MAN2C1: variants seen among roughly 807,000 people sequenced by gnomAD.
MAN2C1 encodes alpha-mannosidase 2C1.
MAN2C1 carries 111 observed loss-of-function variants against 126.9 expected under a neutral mutation model. The observed-to-expected ratio is 0.87, with a 90% confidence interval of 0.75 to 1.02. The LOEUF is 1.02. MAN2C1 is among the 50% of genes least tolerant of loss of function. The pLI, the probability that MAN2C1 is intolerant of heterozygous loss-of-function variation, is 0.00. For missense variants in MAN2C1, 1,363 were observed against 1,364.4 expected (o/e 1.00, Z 0.02); for synonymous variants, 567 against 561.5 (o/e 1.01, Z -0.14).
chr15:75,356,206 G>A lies in MAN2C1; in HGVS notation c.2900C>T (p.Pro967Leu). 6.2e-7 allele frequency: 1 copy of A among 1,613,336 alleles called. No individual in the cohort carries two copies. The highest frequency in any genetic ancestry group is 1.7e-5 in the Admixed American group (1 of 59,990). The change falls in exon 25 of 26, where the codon CCC (proline) becomes CTC (leucine). Residue 967 changes from proline to leucine, a missense_variant. Physicochemically the swap from Pro to Leu is moderately conservative, Grantham distance 98 (BLOSUM62 -3). Coordinates refer to ENST00000267978, the MANE Select transcript of MAN2C1 (RefSeq NM_006715.4). This position sits in a 1 kb window ranked among gnomAD's most constrained non-coding sequence, Gnocchi z 5.8. ...LETVKQAESS[P>L]QRRSLVLRLY... ...CCTCAGGACCAGCGAGCGGCGCTGGGGGCTGCTCTCCGCCTGCAGAGGAAC... is the reference window on the plus strand; with the variant it reads ...CCTCAGGACCAGCGAGCGGCGCTGGAGGCTGCTCTCCGCCTGCAGAGGAAC...
chr15:75,366,741 C>G, intron 3 of MAN2C1, 149 bp from the exon 4 acceptor site: 1 of 568,912 alleles, frequency 1.8e-6, no homozygotes, highest in East Asian at 3.2e-5. Context: ...AATCAGGGAC[C>G]CTTGGCAGTA....
Position 75,359,309 on chromosome 15 carries a change from C to G in MAN2C1, c.2046+19G>C. 1.9e-6 allele frequency: 3 copies of G among 1,577,300 alleles called. No individual in the cohort carries two copies. The highest frequency in any genetic ancestry group is 2.6e-6 in the Non-Finnish European group (3 of 1,159,266). On this transcript the variant is annotated intron_variant, in intron 17 of 25. Transcript: ENST00000267978. ...GTATCCCAGCACAGTTCCTGCCCCC[C>G]AGGGCATGCAGGACTCACCTCTTGC... is the stretch of plus-strand genomic sequence containing the variant.
chr15:75,366,041 C>CCACT (rs2072568518), intron 4 of MAN2C1: 1 of 360,972 alleles, frequency 2.8e-6, no homozygotes, highest in Non-Finnish European at 5.5e-6. Context: ...GAGCTGCGAT[C>CCACT]GTGCTACTGT....
intron 5 of MAN2C1, 146 bp from the exon 6 acceptor site, chr15:75,364,334 TC>T: frequency 8.1e-7 from 1 of 1,238,794 alleles, no homozygotes. Context: ...GTCTCCCTCC[TC>T]CCCTTCACAT....
chr15:75,357,917 C>G, intron 21 of MAN2C1: 1 of 367,352 alleles, frequency 2.7e-6, no homozygotes, highest in Non-Finnish European at 5.2e-6. Flanking sequence ...CCACGCCCGG[C>G]CCAATTTTTG....
At position 75,362,366 on chromosome 15, in the gene MAN2C1, C is replaced by A; in HGVS notation, c.985G>T (p.Val329Leu). The A allele has an allele frequency of 6.2e-7, 1 of 1,613,958 alleles. No individual in the cohort carries two copies. Among genetic ancestry groups the A allele is most frequent in the Non-Finnish European group, 8.5e-7 (1 of 1,180,006 alleles). ...ACCATCTCCACCCAGGTGCCCCCCA[C>A]AGGCACAAACTGCCCACGGCACGCA... is the stretch of plus-strand genomic sequence containing the variant. Reference protein sequence around the residue: ...EFACRGQFVPVGGTWVEMDGN... With the variant: ...EFACRGQFVPLGGTWVEMDGN... The change falls in exon 8 of 26, where the codon GTG becomes TTG. Residue 329 changes from valine (V) to leucine (L), a missense_variant. By Grantham distance (32) the Val-to-Leu change is conservative. Transcript: ENST00000267978. The surrounding 1 kb of genome is among the most constrained non-coding windows in gnomAD (Gnocchi z 4.5).
chr15:75,362,217 C>T lies in MAN2C1; in HGVS notation c.1008+126G>A. The T allele has an allele frequency of 1.2e-6, 1 of 830,126 alleles. No individual in the cohort carries two copies. The highest frequency in any genetic ancestry group is 1.7e-5 in the African/African-American group (1 of 59,524). 51.4% of individuals were successfully genotyped at this position (830,126 alleles called of 1,614,324 possible). ...CTTGAGATCCCAGGGACTAATGAGCCAGCCCTGCCACACAGCGGGGATGAG... is the reference window on the plus strand; with the variant it reads ...CTTGAGATCCCAGGGACTAATGAGCTAGCCCTGCCACACAGCGGGGATGAG... On this transcript the variant is annotated intron_variant, in intron 8 of 25. Coordinates refer to ENST00000267978, the MANE Select transcript of MAN2C1 (RefSeq NM_006715.4). This position sits in a 1 kb window ranked among gnomAD's most constrained non-coding sequence, Gnocchi z 4.5.
At chr15:75,360,875 C>T in intron 12 of MAN2C1, 171 bp downstream of exon 12, 1 of 1,172,054 alleles carries the variant, frequency 8.5e-7, no homozygotes, top group Non-Finnish European at 1.2e-6. Flanking sequence ...CCCTTACCAG[C>T]TTCAGCTTCT....
chr15:75,359,725 A>G lies in MAN2C1; in HGVS notation c.1843T>C (p.Cys615Arg). 2 of 1,614,124 alleles carry G rather than the reference A, an allele frequency of 1.2e-6. No homozygotes were observed. The highest frequency in any genetic ancestry group is 1.7e-6 in the Non-Finnish European group (2 of 1,180,032). Residue 615 changes from cysteine (C) to arginine (R), a missense_variant, in exon 16 of 26, where the codon TGT (cysteine) becomes CGT (arginine). This residue lies in a region of MAN2C1 where 668 missense variants were observed against 650.1 expected (regional missense o/e 1.03). Transcript: ENST00000267978. ...CCCTCAGGACCTGGCTCCCCAGCAC[A>G]CAGGGCTGCGGCTGCAGCGCTGAGC... ...TLLSAAAAALCAGEPGPEGLL... is the reference protein window; with the variant it reads ...TLLSAAAAALRAGEPGPEGLL...
intron 4 of MAN2C1, chr15:75,365,641 G>A (rs2072559118): frequency 9.7e-6 from 2 of 205,600 alleles, no homozygotes; most frequent in Non-Finnish European, 1.0e-5. Context: ...CAGGAGAATT[G>A]CTTGAACCTG....
chr15:75,358,376 A>C, intron 20 of MAN2C1, 32 bp from the exon 21 acceptor site: 1 of 1,613,832 alleles, frequency 6.2e-7, no homozygotes, highest in Non-Finnish European at 8.5e-7. Flanking sequence ...GGAGTCAGGG[A>C]AGGAAGAGAC....
At chr15:75,357,439 G>A in intron 21 of MAN2C1, 1 of 155,790 alleles carries the variant, frequency 6.4e-6, no homozygotes, top group Admixed American at 6.3e-5. Context: ...CCGAGTAGCT[G>A]GGATAACAGG....
rs185480367 is a variant in MAN2C1, at chr15:75,360,997, T to A, written c.1460+49A>T. ...AATGTCTGAGGGAAGGCAGGGCTCA[T>A]GGCAAGGGCCCAGGGTGGGGCTAAA... On this transcript the variant is annotated intron_variant, in intron 12 of 25. Coordinates refer to ENST00000267978, the MANE Select transcript of MAN2C1 (RefSeq NM_006715.4). 7 of 1,572,910 alleles carry A rather than the reference T, an allele frequency of 4.5e-6. No individual in the cohort carries two copies. In the African/African-American group the frequency reaches 5.4e-5, roughly 12 times the overall value.
At position 75,356,094 on chromosome 15, in the gene MAN2C1, C is replaced by T. The variant is rs1386869678; in HGVS notation, c.2996+16G>A. ...GCGAGACTCGACCCCCGCCCCAATC[C>T]CACACCGCCACTCACAGGATGGCCT... On this transcript the variant is annotated intron_variant, in intron 25 of 25. Coordinates refer to ENST00000267978, the MANE Select transcript of MAN2C1 (RefSeq NM_006715.4). The surrounding 1 kb of genome is among the most constrained non-coding windows in gnomAD (Gnocchi z 5.8). 1 of 1,613,670 alleles carries T rather than the reference C, an allele frequency of 6.2e-7. No homozygotes were observed. Among genetic ancestry groups the T allele is most frequent in the African/African-American group, 1.3e-5 (1 of 74,938 alleles).
rs778616276 is a variant in MAN2C1 at position 75,361,808 on chromosome 15, C to T, written c.1101+47G>A. The T allele has an allele frequency of 3.8e-6, 6 of 1,599,756 alleles. No individual in the cohort carries two copies. Among genetic ancestry groups the T allele is most frequent in the African/African-American group, 1.3e-5 (1 of 74,788 alleles). On this transcript the variant is annotated intron_variant, in intron 9 of 25. Coordinates refer to ENST00000267978, the MANE Select transcript of MAN2C1 (RefSeq NM_006715.4). The surrounding 1 kb of genome is among the most constrained non-coding windows in gnomAD (Gnocchi z 5.0). ...CAGCCCCTCAGCACTCCAAGTCGAGCGCCAGCCCCACTCGCCCACAGCCTG... is the reference window on the plus strand; with the variant it reads ...CAGCCCCTCAGCACTCCAAGTCGAGTGCCAGCCCCACTCGCCCACAGCCTG...
At chr15:75,357,056 C>T (rs1024975724) in intron 21 of MAN2C1, 154 bp from the exon 22 acceptor site, 1 of 612,344 alleles carries the variant, frequency 1.6e-6, no homozygotes, top group South Asian at 2.0e-5. Flanking sequence ...TGCCACCCAA[C>T]CTGCCTAAGC....
chr15:75,366,591 C>T lies in MAN2C1; in HGVS notation c.353G>A (p.Gly118Asp), dbSNP rs146345093. 7.1e-5 allele frequency: 115 copies of T among 1,611,462 alleles called. No individual in the cohort carries two copies. The highest frequency in any genetic ancestry group is 1.6e-4 in the Middle Eastern group (1 of 6,080). The stretch of plus-strand genomic sequence containing the variant: ...GGTCTTCTCACCCTCTTTGGTTAAA[C>T]CCTAGTAGGGAGGGGAGTGAGAGAG... ...LVWRDGEPVQ[G>D]LTKEGEKTSY... Residue 118 changes from glycine to aspartate, a missense_variant and splice_region_variant, in exon 4 of 26, where the codon GGT becomes GAT. Physicochemically the swap from Gly to Asp is moderately conservative, Grantham distance 94. This residue lies in a region of MAN2C1 where 628 missense variants were observed against 609.8 expected (regional missense o/e 1.03). Coordinates refer to ENST00000267978, the MANE Select transcript of MAN2C1 (RefSeq NM_006715.4).
Position 75,361,791 on chromosome 15 carries a change from C to T in MAN2C1, c.1101+64G>A, listed in dbSNP as rs919724581. On this transcript the variant is annotated intron_variant, in intron 9 of 25. Transcript: ENST00000267978. This position sits in a 1 kb window ranked among gnomAD's most constrained non-coding sequence, Gnocchi z 5.0. ...CGGACTCACCCCAGCCTCAGCCCCT[C>T]AGCACTCCAAGTCGAGCGCCAGCCC... 4 of 1,593,640 alleles carry T rather than the reference C, an allele frequency of 2.5e-6. No homozygotes were observed. The African/African-American group carries it at 5.4e-5, about 21-fold the overall frequency.
chr15:75,360,647 T>C lies in MAN2C1; in HGVS notation c.1502A>G (p.Glu501Gly). The stretch of plus-strand genomic sequence containing the variant: ...CGTGCACAGCTGCTCTGAGTCACTC[T>C]CCAGTGCTGAGAAGAGCTGTCTTGG... ...SSPRQLFSALESDSEQLCTWV... is the reference protein window; with the variant it reads ...SSPRQLFSALGSDSEQLCTWV... The change falls in exon 13 of 26, where the codon GAG becomes GGG. Residue 501 changes from glutamate to glycine, a missense_variant. Glu to Gly is a moderately conservative substitution (Grantham distance 98, BLOSUM62 -2). Coordinates refer to ENST00000267978, the MANE Select transcript of MAN2C1 (RefSeq NM_006715.4). The C allele has an allele frequency of 2.5e-6, 4 of 1,613,846 alleles. No individual in the cohort carries two copies. Among genetic ancestry groups the C allele is most frequent in the South Asian group, 1.1e-5 (1 of 91,084 alleles).
Sources: allele counts gnomAD v4.1 joint callset, GRCh38; gene constraint gnomAD v4.1.1; regional missense constraint gnomAD v4.1.1; non-coding constraint Gnocchi (gnomAD v3.1); transcripts MANE v1.5; gene names NCBI Gene and HGNC (gene_info 2026-07-23, HGNC 2026-07-21).